The following COL25A1 variants were observed in gnomAD, a reference collection of about 807,000 sequenced individuals.
The protein encoded by COL25A1 is collagen alpha-1(XXV) chain.
COL25A1 carries 103 observed loss-of-function variants against 128.4 expected under a neutral mutation model. The ratio of observed to expected loss-of-function variants is 0.80; its 90% confidence interval spans 0.68 to 0.94. COL25A1 has a LOEUF of 0.94. Among genes scored for constraint, COL25A1 ranks in the 40% least tolerant of loss-of-function variants. The pLI is 0.00. For missense variants in COL25A1, 745 were observed against 840.0 expected, an observed-to-expected ratio of 0.89 and a Z score of 1.40; for synonymous variants, 279 against 277.2, an observed-to-expected ratio of 1.01 and a Z score of -0.06.
Position 108,832,432 on chromosome 4 carries a change from C to A in COL25A1, c.1658G>T (p.Gly553Val). ...ATGGGGTCCCATAGGACCATCTGTACCCTAAAAAAAAGATAATATGAGATA... is the reference window on the plus strand; with the variant it reads ...ATGGGGTCCCATAGGACCATCTGTAACCTAAAAAAAAGATAATATGAGATA... ...MGPHGLPGPKGTDGPMGPHGP... is the reference protein window; with the variant it reads ...MGPHGLPGPKVTDGPMGPHGP... The change falls in exon 32 of 38, where the codon GGT becomes GTT. Residue 553 changes from glycine (G) to valine (V), a missense_variant and splice_region_variant. Transcript: ENST00000399132. The A allele has an allele frequency of 6.3e-7, 1 of 1,596,696 alleles. No individual in the cohort carries two copies. Among genetic ancestry groups the A allele is most frequent in the Non-Finnish European group, 8.5e-7 (1 of 1,170,146 alleles).
chr4:108,848,786 T>C lies in COL25A1; in HGVS notation c.1407A>G (p.Pro469=), dbSNP rs112032233. Residue 469 remains proline (P), a synonymous_variant, in exon 27 of 38, where the codon CCA becomes CCG. Transcript: ENST00000399132. ...LQGPKGEQGS[P]GIPGMDGEQG... ...GCTCTCCATCCATTCCTGGGATTCC[T>C]GGAGATCCCTGCTCTCCCTATTAAG... The C allele has an allele frequency of 0.023, 36,140 of 1,604,200 alleles. 585 individuals are homozygous for C. The highest frequency in any genetic ancestry group is 0.03 in the Middle Eastern group (183 of 6,026).
chr4:109,218,356 G>GTTTTTTTTTTTTTTTTTTTTTTT (rs796441649), intron 3 of COL25A1, among the ~76,000 whole-genome samples: 3 of 100,470 alleles, frequency 3.0e-5, no homozygotes, highest in African/African-American at 8.2e-5. Context: ...GGTTTTTTGG[G>GTTTTTTTTTTTTTTTTTTTTTTT]GTTTTTTTTT....
At chr4:109,051,581 A>C (rs978563459) in intron 3 of COL25A1, among the ~76,000 whole-genome samples, 2 of 150,940 alleles carry the variant, frequency 1.3e-5, no homozygotes, top group Non-Finnish European at 2.9e-5. Flanking sequence ...AAAAGGTACG[A>C]AAATATAAAG....
chr4:108,925,570 T>C (rs1018058471), intron 11 of COL25A1, among the ~76,000 whole-genome samples: 3 of 152,164 alleles, frequency 2.0e-5, no homozygotes, highest in Non-Finnish European at 4.4e-5. Flanking sequence ...ATTGTATGTG[T>C]ATGGCCTTGT....
chr4:109,008,668 C>T lies in COL25A1; in HGVS notation c.438+1690G>A, dbSNP rs114942222. ...AAGGTATGAGGGTTTTAGAGACAGA[C>T]TTCAGTTAACCTCCCAGTTTATGGT... On this transcript the variant is annotated intron_variant, in intron 6 of 37. Transcript: ENST00000399132. Among the ~76,000 whole-genome samples the T allele has an allele frequency of 9.0e-4, 137 of 152,218 alleles. 1 individual carries two copies. The highest frequency in any genetic ancestry group is 3.3e-3 in the African/African-American group (136 of 41,514).
chr4:108,831,703 AG>A (rs1238657858), intron 32 of COL25A1, among the ~76,000 whole-genome samples: 3 of 151,906 alleles, frequency 2.0e-5, no homozygotes, highest in African/African-American at 7.3e-5. Context: ...AGAGAGAGAG[AG>A]AGAGAGAGAG....
intron 3 of COL25A1, among the ~76,000 whole-genome samples, chr4:109,148,884 G>GT (rs1343203485): frequency 1.3e-5 from 2 of 152,090 alleles, no homozygotes; most frequent in African/African-American, 2.4e-5. Flanking sequence ...GCTTCTCACT[G>GT]TTTTTGGAAT....
intron 3 of COL25A1, among the ~76,000 whole-genome samples, chr4:109,067,967 C>T (rs1193489293): frequency 1.3e-5 from 2 of 152,106 alleles, no homozygotes; most frequent in East Asian, 3.9e-4. Flanking sequence ...GCCTGATTCA[C>T]CAAAGGAATG....
At chr4:108,940,377 C>T (rs1747940315) in intron 10 of COL25A1, among the ~76,000 whole-genome samples, 162 bp downstream of exon 10, 1 of 152,130 alleles carries the variant, frequency 6.6e-6, no homozygotes, top group Non-Finnish European at 1.5e-5. Flanking sequence ...CCCATCATCT[C>T]ACTTCCCTCA....
At chr4:109,218,347 G>GGGTT (rs1454448425) in intron 3 of COL25A1, among the ~76,000 whole-genome samples, 15 of 76,370 alleles carry the variant, frequency 2.0e-4, no homozygotes, top group African/African-American at 8.5e-4. Context: ...TCAATTGCTG[G>GGGTT]TTTTTTGGGG....
At chr4:108,834,373 GTC>G in intron 31 of COL25A1, 1 of 1,550,498 alleles carries the variant, frequency 6.4e-7, no homozygotes, top group Non-Finnish European at 8.7e-7. Context: ...CTGGCTTTCC[GTC>G]TAAGCCAGAT....
chr4:108,841,789 T>C, intron 30 of COL25A1, 68 bp from the exon 31 acceptor site: 2 of 1,215,950 alleles, frequency 1.6e-6, no homozygotes, highest in Non-Finnish European at 2.4e-6. Flanking sequence ...GTGAATATTA[T>C]ATCACATAAC....
chr4:108,907,618 C>T (rs146015942), intron 13 of COL25A1, among the ~76,000 whole-genome samples: 1 of 152,202 alleles, frequency 6.6e-6, no homozygotes, highest in Non-Finnish European at 1.5e-5. Context: ...GGAAGAAACA[C>T]ATTCAGAGAG....
At chr4:109,122,367 T>C (rs1768180244) in intron 3 of COL25A1, among the ~76,000 whole-genome samples, 1 of 151,908 alleles carries the variant, frequency 6.6e-6, no homozygotes, top group African/African-American at 2.4e-5. Flanking sequence ...AGGTGAAGGG[T>C]GGGCAGGTAC....
chr4:109,054,823 G>A lies in COL25A1; in HGVS notation c.368-4644C>T, dbSNP rs769597500. On this transcript the variant is annotated intron_variant, in intron 3 of 37. Transcript: ENST00000399132. ...AGATGGAGCAGCCCTCTTGATGGAC[G>A]CACACTGGGGTAGGGAAGTCTGGAG... 3.3e-5 allele frequency among the ~76,000 whole-genome samples: 5 copies of A among 152,252 alleles called. No individual in the cohort carries two copies. In the East Asian group the frequency reaches 9.7e-4, roughly 30 times the overall value.
intron 3 of COL25A1, among the ~76,000 whole-genome samples, chr4:109,276,208 C>T (rs1366499192): frequency 6.6e-6 from 1 of 152,002 alleles, no homozygotes; most frequent in African/African-American, 2.4e-5. Context: ...GTCAGGAGAT[C>T]AAGACCATCC....
At chr4:108,832,534 G>A (rs1733256183) in intron 31 of COL25A1, 101 bp from the exon 32 acceptor site, 2 of 720,236 alleles carry the variant, frequency 2.8e-6, no homozygotes, top group Non-Finnish European at 4.7e-6. Context: ...AAGAATATCA[G>A]TAAGACAACT....
At chr4:108,849,138 CAGTT>C (rs1735463848) in intron 26 of COL25A1, among the ~76,000 whole-genome samples, 1 of 152,110 alleles carries the variant, frequency 6.6e-6, no homozygotes, top group Non-Finnish European at 1.5e-5. Flanking sequence ...CTATCTGCCT[CAGTT>C]AGTTAATTTT....
At chr4:109,293,826 G>A (rs990151661) in intron 3 of COL25A1, among the ~76,000 whole-genome samples, 1 of 152,074 alleles carries the variant, frequency 6.6e-6, no homozygotes, top group Non-Finnish European at 1.5e-5. Flanking sequence ...GACTCCAGAT[G>A]ACATTATGTC....
Sources: gnomAD v4.1 joint callset for allele counts (sites outside exome capture counted in the v4.1 genomes callset) on GRCh38, gnomAD v4.1.1 for gene constraint, MANE v1.5 for transcripts, NCBI Gene and HGNC (gene_info 2026-07-23, HGNC 2026-07-21) for gene names.